The following AGBL4 variants were observed in gnomAD, a reference collection of about 807,000 sequenced individuals.
AGBL4 encodes cytosolic carboxypeptidase 6.
A neutral mutation model predicts 66.4 loss-of-function variants in AGBL4; 58 were observed. The observed-to-expected ratio is 0.87, with a 90% CI of 0.71 to 1.09. AGBL4 has a LOEUF of 1.09. Among genes scored for constraint, AGBL4 ranks in the 50% least tolerant of loss-of-function variants. AGBL4 has a pLI of 0.00. For synonymous variants in AGBL4, 234 were observed against 222.9 expected, an observed-to-expected ratio of 1.05 and a Z score of -0.44; for missense variants, 579 against 631.0, an observed-to-expected ratio of 0.92 and a Z score of 0.88.
At chr1:48,609,766 C>A (rs916634422) in intron 9 of AGBL4, among the ~76,000 whole-genome samples, 1 of 152,130 alleles carries the variant, frequency 6.6e-6, no homozygotes, top group Non-Finnish European at 1.5e-5. Flanking sequence ...CTTCTCCATA[C>A]CTAAAATTCT....
chr1:49,660,831 A>G (rs1230645802), intron 3 of AGBL4, among the ~76,000 whole-genome samples: 1 of 152,084 alleles, frequency 6.6e-6, no homozygotes, highest in Non-Finnish European at 1.5e-5. Flanking sequence ...AGCTATTATC[A>G]TCAGCAAACT....
At chr1:49,475,895 C>A (rs148113231) in intron 3 of AGBL4, among the ~76,000 whole-genome samples, 1 of 152,030 alleles carries the variant, frequency 6.6e-6, no homozygotes, top group Admixed American at 6.6e-5. Context: ...TGTTGCTGAA[C>A]CTTTGTATAA....
chr1:48,669,231 C>T (rs1281874307), intron 6 of AGBL4, among the ~76,000 whole-genome samples: 1 of 152,222 alleles, frequency 6.6e-6, no homozygotes, highest in Non-Finnish European at 1.5e-5. Context: ...TAATCTCTAG[C>T]TCACAAGACA....
intron 4 of AGBL4, among the ~76,000 whole-genome samples, chr1:49,222,417 A>G (rs1649570284): frequency 6.6e-6 from 1 of 152,216 alleles, no homozygotes; most frequent in African/African-American, 2.4e-5. Context: ...TCCTGAACTT[A>G]TAACAAAAAT....
At chr1:49,890,001 C>T (rs1461098647) in intron 1 of AGBL4, among the ~76,000 whole-genome samples, 1 of 152,162 alleles carries the variant, frequency 6.6e-6, no homozygotes, top group East Asian at 1.9e-4. Flanking sequence ...ACGTATTGAA[C>T]CACTGAAGGC....
At chr1:49,073,919 G>T (rs1014462078) in intron 4 of AGBL4, among the ~76,000 whole-genome samples, 1 of 152,170 alleles carries the variant, frequency 6.6e-6, no homozygotes, top group Non-Finnish European at 1.5e-5. Flanking sequence ...TCTGACTGGG[G>T]CTGCTGCTTT....
chr1:49,490,110 C>G (rs1647158004), intron 3 of AGBL4, among the ~76,000 whole-genome samples: 1 of 151,752 alleles, frequency 6.6e-6, no homozygotes, highest in Non-Finnish European at 1.5e-5. Flanking sequence ...TTTGCCTCTT[C>G]TTTTTCTTTA....
intron 4 of AGBL4, among the ~76,000 whole-genome samples, chr1:49,176,882 C>T (rs895155537): frequency 6.6e-6 from 1 of 151,956 alleles, no homozygotes; most frequent in African/African-American, 2.4e-5. Flanking sequence ...TGGAAAAGTT[C>T]GAAATGGGGT....
chr1:49,560,293 GAATC>G (rs1046267721), intron 3 of AGBL4, among the ~76,000 whole-genome samples: 1 of 152,068 alleles, frequency 6.6e-6, no homozygotes, highest in African/African-American at 2.4e-5. Context: ...AATTTGAAAA[GAATC>G]AAGCAGAAAT....
chr1:49,197,413 A>C lies in AGBL4; in HGVS notation c.377+48357T>G, dbSNP rs144736790. ...TGGCAGATGTTGTATTAGGCTGTGC[A>C]GGTCAACCTCCAGGCCAGTAGGTGG... On this transcript the variant is annotated intron_variant, in intron 4 of 13. Coordinates refer to ENST00000371839, the MANE Select transcript of AGBL4 (RefSeq NM_032785.4). Among the ~76,000 whole-genome samples, 267 of 152,334 alleles carry C rather than the reference A, an allele frequency of 1.8e-3. 5 individuals carry two copies. Among genetic ancestry groups the C allele is most frequent in the Non-Finnish European group, 9.6e-4 (65 of 68,038 alleles).
At chr1:48,911,214 A>C (rs1236098026) in intron 5 of AGBL4, among the ~76,000 whole-genome samples, 1 of 152,230 alleles carries the variant, frequency 6.6e-6, no homozygotes, top group Non-Finnish European at 1.5e-5. Context: ...GACTGAAAGA[A>C]GAATAGGACA....
Position 49,713,351 on chromosome 1 carries a change from C to T in AGBL4, c.158-15914G>A, listed in dbSNP as rs181049134. Among the ~76,000 whole-genome samples the T allele has an allele frequency of 1.1e-4, 17 of 152,116 alleles. No homozygotes were observed. The East Asian group carries it at 2.5e-3, about 22-fold the overall frequency. On this transcript the variant is annotated intron_variant, in intron 2 of 13. Coordinates refer to ENST00000371839, the MANE Select transcript of AGBL4 (RefSeq NM_032785.4). ...AGTTTATTTTTGCTATTAATTTCCA[C>T]GGCACCTTTTCTCATGTTAACACCT...
chr1:48,832,879 T>C (rs1646587951), intron 6 of AGBL4, among the ~76,000 whole-genome samples: 1 of 152,214 alleles, frequency 6.6e-6, no homozygotes, highest in Non-Finnish European at 1.5e-5. Flanking sequence ...TACCATTGGC[T>C]GTCCTGGTTC....
chr1:49,949,577 T>C (rs1655883972), intron 1 of AGBL4, among the ~76,000 whole-genome samples: 1 of 151,802 alleles, frequency 6.6e-6, no homozygotes, highest in Admixed American at 6.6e-5. Context: ...AAAGAAGATA[T>C]ACAACTGGCC....
At chr1:48,529,812 G>C (rs2148246335), downstream of AGBL4, among the ~76,000 whole-genome samples, 3 of 152,272 alleles carry the variant, frequency 2.0e-5, 1 homozygote, top group South Asian at 6.2e-4. Flanking sequence ...ACCCTGCTGA[G>C]ATTCCAGGGG....
At chr1:49,963,842 AT>A (rs1252723955) in intron 1 of AGBL4, among the ~76,000 whole-genome samples, 5 of 152,098 alleles carry the variant, frequency 3.3e-5, no homozygotes, top group African/African-American at 1.2e-4. Context: ...AAGAACCATG[AT>A]TTTTTAAAGT....
At chr1:49,513,689 C>A (rs1433919443) in intron 3 of AGBL4, among the ~76,000 whole-genome samples, 1 of 152,022 alleles carries the variant, frequency 6.6e-6, no homozygotes, top group African/African-American at 2.4e-5. Context: ...GATATTTCAA[C>A]TCAACAGTCT....
intron 3 of AGBL4, among the ~76,000 whole-genome samples, chr1:49,490,229 T>A (rs896787216): frequency 6.6e-6 from 1 of 151,776 alleles, no homozygotes; most frequent in African/African-American, 2.4e-5. Flanking sequence ...GATTTAATCA[T>A]GGTTATTGAA....
At chr1:49,955,112 G>A (rs189349673) in intron 1 of AGBL4, among the ~76,000 whole-genome samples, 15 of 151,776 alleles carry the variant, frequency 9.9e-5, no homozygotes, top group South Asian at 8.3e-4. Flanking sequence ...GTTGTGACTC[G>A]CTTACAGACA....
Sources: allele counts gnomAD v4.1 joint callset (sites outside exome capture counted in the v4.1 genomes callset), GRCh38; gene constraint gnomAD v4.1.1; transcripts MANE v1.5; gene names NCBI Gene and HGNC (gene_info 2026-07-23, HGNC 2026-07-21).